PCDHA5: variants seen among roughly 807,000 people sequenced by gnomAD.
The protein encoded by PCDHA5 is protocadherin alpha 5.
A neutral mutation model predicts 61.6 loss-of-function variants in PCDHA5; 43 were observed. That is an observed-to-expected ratio of 0.70 (90% CI 0.55 to 0.90). The LOEUF (loss-of-function observed/expected upper bound fraction) is 0.90. PCDHA5 is among the 40% of genes least tolerant of loss of function. PCDHA5 has a pLI of 0.00. For missense variants in PCDHA5, 1,298 were observed against 1,222.7 expected, an observed-to-expected ratio of 1.06 and a Z score of -0.92; for synonymous variants, 627 against 543.9, an observed-to-expected ratio of 1.15 and a Z score of -2.13.
At chr5:140,878,400 A>C (rs1190004888) in intron 1 of PCDHA5, among the ~76,000 whole-genome samples, 2 of 152,218 alleles carry the variant, frequency 1.3e-5, no homozygotes, top group Non-Finnish European at 2.9e-5. Flanking sequence ...TGCTCACAAA[A>C]TATCTTCTTT....
intron 1 of PCDHA5, chr5:140,930,181 T>C (rs1170637205): frequency 2.0e-5 from 3 of 152,216 alleles, no homozygotes; most frequent in African/African-American, 7.2e-5. Flanking sequence ...AGAGGAAAGA[T>C]GAGTAATTTT....
In PCDHA5 at chr5:141,011,003, C is replaced by T. The variant is rs748731648; in HGVS notation, c.*1066C>T. ...ATTGCCTGAAACATCTGTATTATAT[C>T]GGCCACCTGCCAATCACAGCTTTAC... On this transcript the variant is annotated 3_prime_UTR_variant, in exon 4 of 4. Coordinates refer to ENST00000529859, the MANE Select transcript of PCDHA5 (RefSeq NM_018908.3). 1 of 153,706 alleles carries T rather than the reference C, an allele frequency of 6.5e-6. No individual in the cohort carries two copies. The highest frequency in any genetic ancestry group is 2.1e-4 in the South Asian group (1 of 4,816). 9.5% of individuals were successfully genotyped at this position (153,706 alleles called of 1,614,324 possible).
chr5:140,949,809 G>A (rs782774481), intron 1 of PCDHA5, among the ~76,000 whole-genome samples: 1 of 151,712 alleles, frequency 6.6e-6, no homozygotes. Flanking sequence ...TACATTATTT[G>A]CTTTCTATTT....
At chr5:140,853,917 C>A (rs2042908511) in intron 1 of PCDHA5, 1 of 942,718 alleles carries the variant, frequency 1.1e-6, no homozygotes, top group Non-Finnish European at 1.3e-6. Flanking sequence ...ACCTGCAATC[C>A]CAACATTTTG....
At chr5:140,982,186 C>G (rs547938149) in intron 2 of PCDHA5, among the ~76,000 whole-genome samples, 34 of 152,372 alleles carry the variant, frequency 2.2e-4, no homozygotes, top group African/African-American at 7.7e-4. Context: ...CTCTGATGGG[C>G]TTCCTGTTAG....
intron 3 of PCDHA5, among the ~76,000 whole-genome samples, chr5:141,000,804 G>A (rs2097964510): frequency 6.6e-6 from 1 of 151,886 alleles, no homozygotes; most frequent in African/African-American, 2.4e-5. Flanking sequence ...CTACTCAGAA[G>A]GCTGAGGTGG....
Position 140,842,885 on chromosome 5 carries a change from C to T in PCDHA5, c.2352+18758C>T. 2 of 1,594,162 alleles carry T rather than the reference C, an allele frequency of 1.3e-6. 1 individual carries two copies. The highest frequency in any genetic ancestry group is 1.7e-6 in the Non-Finnish European group (2 of 1,165,432). On this transcript the variant is annotated intron_variant, in intron 1 of 3. Coordinates refer to ENST00000529859, the MANE Select transcript of PCDHA5 (RefSeq NM_018908.3). Reference sequence around the variant, plus strand: ...GAGCGGCAAGGTGTACGCGCTGCAGCCGCTGGACCACGAGGAGCTAGAGCT... The same window carrying T: ...GAGCGGCAAGGTGTACGCGCTGCAGTCGCTGGACCACGAGGAGCTAGAGCT...
chr5:140,831,094 A>T (rs1771374456), intron 1 of PCDHA5: 2 of 152,224 alleles, frequency 1.3e-5, no homozygotes, highest in African/African-American at 2.4e-5. Context: ...GGACAAAAAC[A>T]ATAGTTATCA....
In PCDHA5 at chr5:140,857,915, G is replaced by A. The variant is rs1265955881; in HGVS notation, c.2352+33788G>A. The A allele has an allele frequency of 4.6e-5, 74 of 1,597,796 alleles. 10 individuals carry two copies. The highest frequency in any genetic ancestry group is 6.0e-5 in the Non-Finnish European group (70 of 1,167,592). On this transcript the variant is annotated intron_variant, in intron 1 of 3. Transcript: ENST00000529859. ...GGTTGGTGCACGCATCCCGTTTCGC[G>A]TGGGGCTGTACACGGGCGAGATCAG...
intron 1 of PCDHA5, chr5:140,857,265 T>G: frequency 1.3e-6 from 2 of 1,598,672 alleles, no homozygotes; most frequent in Non-Finnish European, 1.7e-6. Flanking sequence ...TACTACTCAT[T>G]GGTGCTGGAC....
At chr5:140,877,273 T>C (rs1324679559) in intron 1 of PCDHA5, 2 of 1,613,722 alleles carry the variant, frequency 1.2e-6, no homozygotes, top group Non-Finnish European at 1.7e-6. Context: ...GGACGCTGAC[T>C]CCGGCTATAA....
intron 3 of PCDHA5, among the ~76,000 whole-genome samples, chr5:140,989,227 C>T (rs933142074): frequency 2.6e-5 from 4 of 152,162 alleles, no homozygotes; most frequent in African/African-American, 9.7e-5. Flanking sequence ...TTCTTTGTAG[C>T]TGAAGTTTTA....
chr5:140,853,543 A>G (rs2042787670), intron 1 of PCDHA5: 2 of 979,444 alleles, frequency 2.0e-6, no homozygotes, highest in Middle Eastern at 5.4e-4. Context: ...TTCAAGTTGT[A>G]ATTACTATAT....
chr5:141,000,418 T>C (rs2097923101), intron 3 of PCDHA5, among the ~76,000 whole-genome samples: 1 of 83,682 alleles, frequency 1.2e-5, no homozygotes, highest in Admixed American at 1.7e-4. Flanking sequence ...TATATATATA[T>C]ATATTTTTTT....
chr5:141,007,377 A>C (rs13186204), intron 3 of PCDHA5, among the ~76,000 whole-genome samples: 7,611 of 136,554 alleles, frequency 0.056, 239 homozygotes, highest in South Asian at 0.11. Flanking sequence ...ATGATGGAAC[A>C]CCATCTCTAC....
rs146492633 is a variant in PCDHA5 at position 140,900,696 on chromosome 5, G to A, written c.2352+76569G>A. Among the ~76,000 whole-genome samples the A allele has an allele frequency of 2.2e-4, 33 of 152,256 alleles. No homozygotes were observed. The East Asian group carries it at 5.8e-3, about 27-fold the overall frequency. ...TTATCTCTTCAATATACTGATTTCC[G>A]TTCTTTTGGAAAGAAAGGAAATCCT... is the stretch of plus-strand genomic sequence containing the variant. On this transcript the variant is annotated intron_variant, in intron 1 of 3. Transcript: ENST00000529859.
intron 1 of PCDHA5, chr5:140,836,052 G>A (rs2150251542): frequency 2.4e-5 from 39 of 1,613,494 alleles, no homozygotes; most frequent in African/African-American, 4.0e-5. Flanking sequence ...GTTCGTGCTG[G>A]ACGAGAACGA....
intron 1 of PCDHA5, chr5:140,858,050 C>G: frequency 6.3e-7 from 1 of 1,597,552 alleles, no homozygotes; most frequent in Non-Finnish European, 8.6e-7. Flanking sequence ...GCTTGTGTCG[C>G]TTGTGGAGGG....
In PCDHA5 at chr5:140,874,972, G is replaced by A. The variant is rs2055201149; in HGVS notation, c.2352+50845G>A. On this transcript the variant is annotated intron_variant, in intron 1 of 3. Coordinates refer to ENST00000529859, the MANE Select transcript of PCDHA5 (RefSeq NM_018908.3). ...TTGTAAGCTATATAAGGGGAGGGGT[G>A]CTGTATATTATTCTGTATATCATTT... 2.6e-5 allele frequency among the ~76,000 whole-genome samples: 4 copies of A among 152,186 alleles called. No homozygotes were observed. In the South Asian group the frequency reaches 6.2e-4, roughly 24 times the overall value.
Sources: allele counts gnomAD v4.1 joint callset (sites outside exome capture counted in the v4.1 genomes callset), GRCh38; gene constraint gnomAD v4.1.1; transcripts MANE v1.5; gene names NCBI Gene and HGNC (gene_info 2026-07-23, HGNC 2026-07-21).